FRMD3: variants seen among roughly 807,000 people sequenced by gnomAD.
FRMD3 encodes the protein FERM domain-containing protein 3.
FRMD3 carries 33 observed loss-of-function variants against 70.2 expected under a neutral mutation model. That is an observed-to-expected ratio of 0.47 (90% confidence interval 0.36 to 0.63). The LOEUF is 0.63. Ranked by LOEUF, FRMD3 falls within the 20% of genes least tolerant of loss-of-function variation. The pLI is 0.00. For missense variants in FRMD3, 632 were observed against 711.4 expected (o/e 0.89, Z 1.27); for synonymous variants, 279 against 255.9 (o/e 1.09, Z -0.86).
At chr9:83,504,222 G>T (rs1670546489) in intron 1 of FRMD3, among the ~76,000 whole-genome samples, 1 of 152,150 alleles carries the variant, frequency 6.6e-6, no homozygotes, top group African/African-American at 2.4e-5. Flanking sequence ...CACCACCAAT[G>T]ACTGTAGACA....
chr9:83,500,518 A>G (rs1027548666), intron 1 of FRMD3, among the ~76,000 whole-genome samples: 1 of 151,794 alleles, frequency 6.6e-6, no homozygotes, highest in African/African-American at 2.4e-5. Flanking sequence ...ACACACACAC[A>G]CACACACACA....
chr9:83,472,038 G>A lies in FRMD3; in HGVS notation c.147+66047C>T, dbSNP rs77808484. Among the ~76,000 whole-genome samples, 40 of 152,294 alleles carry A rather than the reference G, an allele frequency of 2.6e-4. 1 individual carries two copies. In the East Asian group the frequency reaches 6.0e-3, roughly 23 times the overall value. On this transcript the variant is annotated intron_variant, in intron 1 of 13. Transcript: ENST00000304195. ...AGTGACAACACAGAGCAAGGGCCTC[G>A]TGAACATTCATTTGCTCATTCATTG... is the stretch of plus-strand genomic sequence containing the variant.
intron 12 of FRMD3, among the ~76,000 whole-genome samples, chr9:83,294,630 T>C (rs2118996438): frequency 6.6e-6 from 1 of 152,318 alleles, no homozygotes; most frequent in South Asian, 2.1e-4. Context: ...GCAAGGTAAA[T>C]GTCATATTTG....
chr9:83,444,532 A>C (rs1827399205), intron 1 of FRMD3, among the ~76,000 whole-genome samples: 1 of 152,198 alleles, frequency 6.6e-6, no homozygotes, highest in African/African-American at 2.4e-5. Context: ...TTGGCTCTGC[A>C]GAAGTGAAGT....
In FRMD3 at chr9:83,415,568, G is replaced by T. The variant is rs569210295; in HGVS notation, c.148-25860C>A. ...CACCATACTCCTGCTTCAGCCTCCA[G>T]AGTAGCTGGGACTACAGGTGCCCAC... On this transcript the variant is annotated intron_variant, in intron 1 of 13. Coordinates refer to ENST00000304195, the MANE Select transcript of FRMD3 (RefSeq NM_174938.6). 4.0e-5 allele frequency among the ~76,000 whole-genome samples: 6 copies of T among 148,206 alleles called. No homozygotes were observed. The Admixed American group carries it at 4.1e-4, about 10-fold the overall frequency.
chr9:83,376,606 T>C (rs988117899), intron 2 of FRMD3, among the ~76,000 whole-genome samples: 1 of 140,860 alleles, frequency 7.1e-6, no homozygotes, highest in African/African-American at 2.8e-5. Flanking sequence ...GATTGTGCTA[T>C]ATTCCTTTTT....
the FRMD3 span, among the ~76,000 whole-genome samples, chr9:83,568,963 C>G: frequency 0.14 from 12,875 of 94,762 alleles, 577 homozygotes; most frequent in African/African-American, 0.16. Context: ...TAGATACATA[C>G]ATACATACAT....
intron 3 of FRMD3, among the ~76,000 whole-genome samples, chr9:83,362,426 A>G (rs1824621881): frequency 6.6e-6 from 1 of 152,136 alleles, no homozygotes; most frequent in South Asian, 2.1e-4. Context: ...GCCAGCAACA[A>G]CTTGACTCAG....
chr9:83,311,798 T>C lies in FRMD3; in HGVS notation c.773+89A>G, dbSNP rs527634179. Reference sequence around the variant, plus strand: ...GCAAGGAAATGGATACCAGGCATTCTACCTGACACTTGCCCGAGAAGCCAA... The same window carrying C: ...GCAAGGAAATGGATACCAGGCATTCCACCTGACACTTGCCCGAGAAGCCAA... On this transcript the variant is annotated intron_variant, in intron 8 of 13. Coordinates refer to ENST00000304195, the MANE Select transcript of FRMD3 (RefSeq NM_174938.6). 3.4e-6 allele frequency: 3 copies of C among 889,416 alleles called. No homozygotes were observed. The East Asian group carries it at 7.3e-5, about 22-fold the overall frequency. The allele number at this position is 889,416 out of a possible 1,614,324, so 55.1% of individuals were successfully genotyped here.
the FRMD3 span, among the ~76,000 whole-genome samples, chr9:83,560,379 C>G: frequency 6.6e-6 from 1 of 152,114 alleles, no homozygotes; most frequent in South Asian, 2.1e-4. Context: ...AGAACATGCC[C>G]CAAAGAGACA....
intron 1 of FRMD3, among the ~76,000 whole-genome samples, chr9:83,435,680 G>T (rs1159686130): frequency 2.6e-5 from 4 of 152,132 alleles, no homozygotes; most frequent in African/African-American, 9.7e-5. Flanking sequence ...TTTTATTTGG[G>T]TTTGAGGGGC....
chr9:83,257,480 C>T (rs768920398), intron 13 of FRMD3, among the ~76,000 whole-genome samples: 3 of 152,040 alleles, frequency 2.0e-5, no homozygotes, highest in Non-Finnish European at 4.4e-5. Flanking sequence ...ATGTAACAAA[C>T]CTGCACATCC....
chr9:83,538,055 C>T lies in FRMD3; in HGVS notation c.147+30G>A. The T allele has an allele frequency of 1.2e-6, 2 of 1,607,328 alleles. No homozygotes were observed. The highest frequency in any genetic ancestry group is 1.7e-6 in the Non-Finnish European group (2 of 1,175,598). ...CCCCCCGCCCTGCTCCCGGCGTGTGCCCCGCGCCCTCGCCCGGTTCCACGC... is the reference window on the plus strand; with the variant it reads ...CCCCCCGCCCTGCTCCCGGCGTGTGTCCCGCGCCCTCGCCCGGTTCCACGC... On this transcript the variant is annotated intron_variant, in intron 1 of 13. Coordinates refer to ENST00000304195, the MANE Select transcript of FRMD3 (RefSeq NM_174938.6). The surrounding 1 kb of genome is among the most constrained non-coding windows in gnomAD (Gnocchi z 4.7).
intron 1 of FRMD3, chr9:83,467,714 C>T (rs1449317129): frequency 2.0e-6 from 3 of 1,533,098 alleles, no homozygotes; most frequent in South Asian, 2.4e-5. Flanking sequence ...ACTGCCATCT[C>T]GTCTTCTGTC....
chr9:83,444,206 G>A (rs1350530434), intron 1 of FRMD3, among the ~76,000 whole-genome samples: 41 of 152,226 alleles, frequency 2.7e-4, no homozygotes. Flanking sequence ...CATTAGACCT[G>A]TTCACATGGG....
At chr9:83,351,654 T>C (rs1266687137) in intron 3 of FRMD3, among the ~76,000 whole-genome samples, 3 of 151,432 alleles carry the variant, frequency 2.0e-5, no homozygotes, top group Non-Finnish European at 2.9e-5. Flanking sequence ...TAGAGATAGA[T>C]AGAGATAGGT....
chr9:83,493,197 C>T (rs148824943), intron 1 of FRMD3, among the ~76,000 whole-genome samples: 125 of 152,292 alleles, frequency 8.2e-4, no homozygotes, highest in African/African-American at 2.8e-3. Context: ...GGAGGGAGCA[C>T]TGGGGGCTAT....
At chr9:83,576,285 AC>A in the FRMD3 span, among the ~76,000 whole-genome samples, 17 of 152,154 alleles carry the variant, frequency 1.1e-4, no homozygotes, top group Non-Finnish European at 2.5e-4. Context: ...ATAATAAAAG[AC>A]AAAACCATAT....
intron 2 of FRMD3, among the ~76,000 whole-genome samples, chr9:83,373,939 A>G (rs1825062998): frequency 6.6e-6 from 1 of 152,140 alleles, no homozygotes; most frequent in Non-Finnish European, 1.5e-5. Flanking sequence ...TGTGTTATCC[A>G]TATTCTTTGA....
Sources: gnomAD v4.1 joint callset for allele counts (sites outside exome capture counted in the v4.1 genomes callset) on GRCh38, gnomAD v4.1.1 for gene constraint, Gnocchi (gnomAD v3.1) non-coding constraint, MANE v1.5 for transcripts, NCBI Gene and HGNC (gene_info 2026-07-23, HGNC 2026-07-21) for gene names.